HS3ST4: variants seen among roughly 807,000 people sequenced by gnomAD.
HS3ST4 encodes the protein heparan sulfate glucosamine 3-O-sulfotransferase 4.
In HS3ST4, 17 loss-of-function variants were observed where a neutral mutation model predicts 29.2. The ratio of observed to expected loss-of-function variants is 0.58; its 90% CI spans 0.40 to 0.87. The LOEUF is 0.87. Ranked by LOEUF, HS3ST4 falls within the 40% of genes least tolerant of loss-of-function variation. HS3ST4 has a pLI of 0.00. For synonymous variants in HS3ST4, 314 were observed against 285.7 expected (o/e 1.10, Z -1.00); for missense variants, 627 against 634.5 (o/e 0.99, Z 0.13).
intron 1 of HS3ST4, among the ~76,000 whole-genome samples, chr16:25,804,250 A>G (rs1385975011): frequency 6.6e-6 from 1 of 152,214 alleles, no homozygotes; most frequent in African/African-American, 2.4e-5. Flanking sequence ...TATCATCTAT[A>G]GAAACCACGA....
intron 1 of HS3ST4, among the ~76,000 whole-genome samples, chr16:25,858,949 T>C (rs1484239290): frequency 6.6e-6 from 1 of 152,164 alleles, no homozygotes; most frequent in Admixed American, 6.6e-5. Context: ...TTTTTGTCTT[T>C]CTTTAGTTTG....
intron 1 of HS3ST4, among the ~76,000 whole-genome samples, chr16:26,130,706 C>T (rs1899406010): frequency 6.6e-6 from 1 of 152,192 alleles, no homozygotes; most frequent in African/African-American, 2.4e-5. Flanking sequence ...AGCATCTGAA[C>T]ACCTTTCAGT....
chr16:26,001,862 G>C (rs1969214579), intron 1 of HS3ST4, among the ~76,000 whole-genome samples: 2 of 152,184 alleles, frequency 1.3e-5, no homozygotes, highest in Admixed American at 6.5e-5. Context: ...GAATATTTAG[G>C]GGGGTATTGC....
intron 1 of HS3ST4, among the ~76,000 whole-genome samples, chr16:25,991,423 T>C (rs1969113031): frequency 6.6e-6 from 1 of 152,246 alleles, no homozygotes; most frequent in Admixed American, 6.5e-5. Context: ...ATCGTGATTG[T>C]GAGCCAAATA....
intron 1 of HS3ST4, among the ~76,000 whole-genome samples, chr16:25,706,596 CTG>C (rs1382226460): frequency 6.6e-6 from 1 of 151,962 alleles, no homozygotes; most frequent in Admixed American, 6.5e-5. Context: ...TGTGTTCTCA[CTG>C]TTCGGCTCCC....
At chr16:25,771,796 G>C (rs1966842551) in intron 1 of HS3ST4, among the ~76,000 whole-genome samples, 1 of 152,162 alleles carries the variant, frequency 6.6e-6, no homozygotes, top group Non-Finnish European at 1.5e-5. Flanking sequence ...ATAAATATTT[G>C]TTGAGTGAAT....
At chr16:25,826,848 G>C (rs1264405726) in intron 1 of HS3ST4, among the ~76,000 whole-genome samples, 6 of 152,112 alleles carry the variant, frequency 3.9e-5, no homozygotes, top group Admixed American at 3.9e-4. Flanking sequence ...TTATAAATCA[G>C]ACATGCTTGC....
intron 1 of HS3ST4, among the ~76,000 whole-genome samples, chr16:26,080,365 T>A (rs534781757): frequency 6.6e-6 from 1 of 152,162 alleles, no homozygotes; most frequent in Non-Finnish European, 1.5e-5. Context: ...AATGAATGGA[T>A]ACCTGGTGAA....
chr16:25,917,373 T>G (rs1968303377), intron 1 of HS3ST4, among the ~76,000 whole-genome samples: 1 of 152,088 alleles, frequency 6.6e-6, no homozygotes, highest in Non-Finnish European at 1.5e-5. Flanking sequence ...CCACCATGCC[T>G]GGCTAATTTT....
chr16:25,759,990 G>C (rs1044870233), intron 1 of HS3ST4, among the ~76,000 whole-genome samples: 4 of 152,122 alleles, frequency 2.6e-5, no homozygotes, highest in Admixed American at 2.6e-4. Context: ...TGTTTCCCTG[G>C]CTTATAAACA....
intron 1 of HS3ST4, among the ~76,000 whole-genome samples, chr16:25,741,847 A>G (rs1160210608): frequency 6.6e-6 from 1 of 152,190 alleles, no homozygotes; most frequent in African/African-American, 2.4e-5. Context: ...AAGGCCACAC[A>G]GTGCCAGAAC....
intron 1 of HS3ST4, among the ~76,000 whole-genome samples, chr16:25,711,465 G>A (rs1019228205): frequency 6.6e-5 from 10 of 152,288 alleles, no homozygotes; most frequent in African/African-American, 9.6e-5. Context: ...TAGAAATGCT[G>A]CTGACCCTGC....
rs578055714 is a variant in HS3ST4 at position 26,090,332 on chromosome 16, C to T, written c.735-45280C>T. On this transcript the variant is annotated intron_variant, in intron 1 of 1. Transcript: ENST00000331351. ...TGCATTGGGATGTTTATGATCCTTT[C>T]GTCTGTCTGCCAGAAGTCACTAATC... Among the ~76,000 whole-genome samples, 11 of 148,028 alleles carry T rather than the reference C, an allele frequency of 7.4e-5. No homozygotes were observed. The East Asian group carries it at 7.4e-4, about 10-fold the overall frequency.
chr16:25,788,492 T>C (rs1299135992), intron 1 of HS3ST4, among the ~76,000 whole-genome samples: 3 of 151,062 alleles, frequency 2.0e-5, no homozygotes, highest in Non-Finnish European at 4.4e-5. Flanking sequence ...CTCCCTGTTA[T>C]CATTATCTTC....
intron 1 of HS3ST4, among the ~76,000 whole-genome samples, chr16:26,129,763 G>C (rs1206061216): frequency 6.6e-6 from 1 of 152,142 alleles, no homozygotes; most frequent in Admixed American, 6.5e-5. Flanking sequence ...CTTAACTACT[G>C]GGCTGGTGAG....
intron 1 of HS3ST4, among the ~76,000 whole-genome samples, chr16:26,002,601 T>A (rs111707339): frequency 0.013 from 1,843 of 146,442 alleles, 44 homozygotes; most frequent in African/African-American, 0.045. Flanking sequence ...AGCGAGACAC[T>A]GCCAAATAGT....
chr16:26,120,756 G>T lies in HS3ST4; in HGVS notation c.735-14856G>T, dbSNP rs189560421. 9.8e-5 allele frequency among the ~76,000 whole-genome samples: 15 copies of T among 152,294 alleles called. No individual in the cohort carries two copies. The East Asian group carries it at 2.9e-3, about 29-fold the overall frequency. ...ATATCAAGTGCTTTGGCTGAACATT[G>T]TCTGTCTTGCTGACCAGGTTTCTTG... On this transcript the variant is annotated intron_variant, in intron 1 of 1. Transcript: ENST00000331351.
intron 1 of HS3ST4, among the ~76,000 whole-genome samples, chr16:25,797,794 T>C (rs562801364): frequency 3.9e-5 from 6 of 152,318 alleles, no homozygotes; most frequent in Admixed American, 3.3e-4. Context: ...CTCTTGGAAA[T>C]TGGCATTACT....
At chr16:25,766,865 A>C (rs1966822810) in intron 1 of HS3ST4, among the ~76,000 whole-genome samples, 1 of 152,152 alleles carries the variant, frequency 6.6e-6, no homozygotes, top group Non-Finnish European at 1.5e-5. Flanking sequence ...CTCCATTTTA[A>C]AGATAAGAAA....
Sources: gnomAD v4.1 joint callset for allele counts (sites outside exome capture counted in the v4.1 genomes callset) on GRCh38, gnomAD v4.1.1 for gene constraint, MANE v1.5 for transcripts, NCBI Gene and HGNC (gene_info 2026-07-23, HGNC 2026-07-21) for gene names.